NFE2L3: variants seen among roughly 807,000 people sequenced by gnomAD.
NFE2L3 encodes nuclear factor erythroid 2-related factor 3.
A neutral mutation model predicts 23.5 loss-of-function variants in NFE2L3; 18 were observed. The observed-to-expected ratio is 0.77, with a 90% CI of 0.53 to 1.13. The LOEUF is 1.13. NFE2L3 is among the 50% of genes most tolerant of loss of function. The pLI is 0.00. For synonymous variants in NFE2L3, 424 were observed against 354.5 expected (o/e 1.20, Z -2.20); for missense variants, 1,152 against 877.2 (o/e 1.31, Z -3.96).
At chr7:26,168,577 T>C (rs1784287263) in intron 1 of NFE2L3, among the ~76,000 whole-genome samples, 1 of 149,174 alleles carries the variant, frequency 6.7e-6, no homozygotes, top group South Asian at 2.1e-4. Context: ...TAGAGAGAGA[T>C]TATAGATATA....
rs752656639 is a variant in NFE2L3 at position 26,185,264 on chromosome 7, G to C, written c.1566G>C (p.Lys522Asn). 1.2e-6 allele frequency: 2 copies of C among 1,613,946 alleles called. No individual in the cohort carries two copies. Among genetic ancestry groups the C allele is most frequent in the Admixed American group, 1.7e-5 (1 of 59,994 alleles). ...TTCCGTGGCCTGGGAAGTCACAGAA[G>C]ATAAGGAGTAGATACCTTGAAGACA... is the stretch of plus-strand genomic sequence containing the variant. Reference protein sequence around the residue: ...EPFPWPGKSQKIRSRYLEDTD... With the variant: ...EPFPWPGKSQNIRSRYLEDTD... Residue 522 changes from lysine (K) to asparagine (N), a missense_variant, in exon 4 of 4, where the codon AAG becomes AAC. Coordinates refer to ENST00000056233, the MANE Select transcript of NFE2L3 (RefSeq NM_004289.7).
rs1456313722 is a variant in NFE2L3 at position 26,186,361 on chromosome 7, T to C, written c.*578T>C. On this transcript the variant is annotated 3_prime_UTR_variant, in exon 4 of 4. Coordinates refer to ENST00000056233, the MANE Select transcript of NFE2L3 (RefSeq NM_004289.7). ...TACTTTCCTTCCAAAATATCCACAT[T>C]CAGGAATATAGGTGAATAACAAATA... 1 of 152,252 alleles carries C rather than the reference T, an allele frequency of 6.6e-6. No homozygotes were observed. Among genetic ancestry groups the C allele is most frequent in the Admixed American group, 6.5e-5 (1 of 15,272 alleles). 9.4% of individuals were successfully genotyped at this position (152,252 alleles called of 1,614,324 possible). A position where few individuals can be genotyped will look rare whatever the true frequency, so the allele number is the denominator to read the frequency against.
chr7:26,157,423 A>G (rs1374775221), intron 1 of NFE2L3, among the ~76,000 whole-genome samples: 1 of 151,964 alleles, frequency 6.6e-6, no homozygotes, highest in Non-Finnish European at 1.5e-5. Flanking sequence ...AAGTACAGGC[A>G]TGAGCTACTG....
At chr7:26,158,194 G>A (rs1379659145) in intron 1 of NFE2L3, among the ~76,000 whole-genome samples, 3 of 152,026 alleles carry the variant, frequency 2.0e-5, no homozygotes, top group African/African-American at 4.8e-5. Context: ...GATTACAGGC[G>A]CCTGCCACCA....
In NFE2L3 at chr7:26,170,720, C is replaced by T. The variant is rs192635566; in HGVS notation, c.571-7223C>T. On this transcript the variant is annotated intron_variant, in intron 1 of 3. Transcript: ENST00000056233. ...CAATGTTAAATAAAGCTTCCCAATT[C>T]TTTTTTCAAAACCAGGATAACAGTG... is the stretch of plus-strand genomic sequence containing the variant. 9.5e-3 allele frequency among the ~76,000 whole-genome samples: 1,451 copies of T among 152,296 alleles called. 10 individuals carry two copies. The highest frequency in any genetic ancestry group is 0.015 in the Non-Finnish European group (1,023 of 68,024).
chr7:26,170,619 T>A (rs1420894420), intron 1 of NFE2L3, among the ~76,000 whole-genome samples: 2 of 152,208 alleles, frequency 1.3e-5, no homozygotes, highest in Admixed American at 6.5e-5. Flanking sequence ...AACAGTTTCT[T>A]CAGAAAAACA....
At chr7:26,177,468 G>A (rs548490923) in intron 1 of NFE2L3, among the ~76,000 whole-genome samples, 2 of 152,254 alleles carry the variant, frequency 1.3e-5, no homozygotes, top group Admixed American at 6.5e-5. Context: ...ATGGCGGCGC[G>A]TCCCTGCAAT....
chr7:26,152,474 G>A lies in NFE2L3; in HGVS notation c.-25G>A. 2.4e-6 allele frequency: 3 copies of A among 1,276,422 alleles called. No homozygotes were observed. The highest frequency in any genetic ancestry group is 3.0e-6 in the Non-Finnish European group (3 of 1,013,030). 79.1% of individuals were successfully genotyped at this position (1,276,422 alleles called of 1,614,324 possible). Reference sequence around the variant, plus strand: ...CGCCGGGACCCGCGGGCGCCGGCAGGGGCGTTCCCGGGCGCGCGGCGGCGA... The same window carrying A: ...CGCCGGGACCCGCGGGCGCCGGCAGAGGCGTTCCCGGGCGCGCGGCGGCGA... On this transcript the variant is annotated 5_prime_UTR_variant, in exon 1 of 4. Transcript: ENST00000056233. The surrounding 1 kb of genome is among the most constrained non-coding windows in gnomAD (Gnocchi z 4.4).
intron 1 of NFE2L3, among the ~76,000 whole-genome samples, chr7:26,172,860 TTC>T (rs1784347143): frequency 6.6e-6 from 1 of 152,234 alleles, no homozygotes; most frequent in African/African-American, 2.4e-5. Flanking sequence ...GTTATTATTT[TTC>T]TTTTTGTAAT....
At chr7:26,153,686 T>C (rs1471682230) in intron 1 of NFE2L3, among the ~76,000 whole-genome samples, 1 of 152,182 alleles carries the variant, frequency 6.6e-6, no homozygotes, top group Non-Finnish European at 1.5e-5. Context: ...CTTATTAGCA[T>C]AACGAAAACA....
chr7:26,176,971 C>T (rs1320830119), intron 1 of NFE2L3, among the ~76,000 whole-genome samples: 3 of 47,346 alleles, frequency 6.3e-5, no homozygotes, highest in African/African-American at 1.3e-4. Context: ...GGGTGGCAGC[C>T]GGGCAGAGGC....
intron 3 of NFE2L3, 194 bp downstream of exon 3, chr7:26,183,978 T>A: frequency 1.9e-6 from 1 of 531,952 alleles, no homozygotes; most frequent in East Asian, 3.1e-5. Context: ...TATAATCAAA[T>A]TTAGACTAGT....
chr7:26,177,347 A>G (rs1784431568), intron 1 of NFE2L3, among the ~76,000 whole-genome samples: 1 of 152,256 alleles, frequency 6.6e-6, no homozygotes, highest in South Asian at 2.1e-4. Flanking sequence ...CTGCAATCCC[A>G]GCACCTCGGG....
rs137891274 is a variant in NFE2L3, at chr7:26,185,147, T to A, written c.1449T>A (p.Ser483=). ...TTTGTCACTTGGATCAAAGTGATTC[T>A]GATTTCCATGGAGATCTTACATTTC... The part of the protein sequence containing the change: ...SKLCHLDQSD[S]DFHGDLTFQH... The change falls in exon 4 of 4, where the codon TCT becomes TCA. Residue 483 remains serine, a synonymous_variant. Transcript: ENST00000056233. The A allele has an allele frequency of 5.1e-5, 82 of 1,613,914 alleles. No homozygotes were observed. In the East Asian group the frequency reaches 1.7e-3, roughly 33 times the overall value.
chr7:26,154,738 G>A (rs959048192), intron 1 of NFE2L3, among the ~76,000 whole-genome samples: 1 of 152,114 alleles, frequency 6.6e-6, no homozygotes, highest in African/African-American at 2.4e-5. Flanking sequence ...GACAGGTCTC[G>A]CTATGTTGCC....
At chr7:26,160,034 G>T (rs944417543) in intron 1 of NFE2L3, among the ~76,000 whole-genome samples, 1 of 147,740 alleles carries the variant, frequency 6.8e-6, no homozygotes, top group Non-Finnish European at 1.5e-5. Context: ...TCTTACTGCA[G>T]CCTCAACCTT....
At chr7:26,176,669 G>A (rs1004147227) in intron 1 of NFE2L3, among the ~76,000 whole-genome samples, 3 of 70,310 alleles carry the variant, frequency 4.3e-5, no homozygotes, top group African/African-American at 6.5e-5. Context: ...GGGTGGCCAG[G>A]CAGAGGCGCT....
In NFE2L3 at chr7:26,159,552, C is replaced by G. The variant is rs1784137682; in HGVS notation, c.570+6484C>G. Among the ~76,000 whole-genome samples, 3 of 152,202 alleles carry G rather than the reference C, an allele frequency of 2.0e-5. No homozygotes were observed. The South Asian group carries it at 6.2e-4, about 31-fold the overall frequency. On this transcript the variant is annotated intron_variant, in intron 1 of 3. Coordinates refer to ENST00000056233, the MANE Select transcript of NFE2L3 (RefSeq NM_004289.7). ...TCAGCCAGTGTCTGTCTGTTGAGCA[C>G]TTATCATTCATGACATTGTGTTTGC...
At position 26,182,579 on chromosome 7, in the gene NFE2L3, G is replaced by C. The variant is rs138643007; in HGVS notation, c.751-1122G>C. 4.1e-5 allele frequency among the ~76,000 whole-genome samples: 6 copies of C among 145,192 alleles called. No individual in the cohort carries two copies. The East Asian group carries it at 7.7e-4, about 19-fold the overall frequency. ...GGAGGCGGAGATTGCAGTGAGCTGA[G>C]ATCTCACCAGTGCTCTCCAGCCTGG... On this transcript the variant is annotated intron_variant, in intron 2 of 3. Transcript: ENST00000056233.
Sources: allele counts gnomAD v4.1 joint callset (sites outside exome capture counted in the v4.1 genomes callset), GRCh38; gene constraint gnomAD v4.1.1; non-coding constraint Gnocchi (gnomAD v3.1); transcripts MANE v1.5; gene names NCBI Gene and HGNC (gene_info 2026-07-23, HGNC 2026-07-21).